Variants in DOCK8 observed in about 807,000 individuals in gnomAD.
The protein encoded by DOCK8 is dedicator of cytokinesis protein 8.
In DOCK8, 141 loss-of-function variants were observed where a neutral mutation model predicts 245.6. The observed-to-expected ratio is 0.57, with a 90% CI of 0.50 to 0.66. DOCK8 has a LOEUF of 0.66. Ranked by LOEUF, DOCK8 falls within the 30% of genes least tolerant of loss-of-function variation. The probability of loss-of-function intolerance (pLI) is 0.00; values close to 1 mark genes in which losing one functional copy is unlikely to be tolerated. For missense variants in DOCK8, 2,965 were observed against 2,603.4 expected, an observed-to-expected ratio of 1.14 and a Z score of -3.02; for synonymous variants, 1,168 against 970.2, an observed-to-expected ratio of 1.20 and a Z score of -3.79.
At chr9:376,675 C>T (rs2053531124) in intron 19 of DOCK8, among the ~76,000 whole-genome samples, 2 of 152,206 alleles carry the variant, frequency 1.3e-5, no homozygotes, top group South Asian at 2.1e-4. Context: ...CTGAGTTCTG[C>T]ATCTGCTGAG....
intron 14 of DOCK8, among the ~76,000 whole-genome samples, chr9:353,257 G>A (rs1465528147): frequency 7.4e-6 from 1 of 135,852 alleles, no homozygotes; most frequent in Non-Finnish European, 1.6e-5. Context: ...CCTAAAGCAA[G>A]GATATGTTTA....
chr9:306,602 G>T (rs559121825), intron 5 of DOCK8, among the ~76,000 whole-genome samples: 125 of 152,308 alleles, frequency 8.2e-4, no homozygotes, highest in African/African-American at 2.9e-3. Flanking sequence ...CCAGCCTGGG[G>T]CTGGGGTATA....
intron 1 of DOCK8, among the ~76,000 whole-genome samples, chr9:253,821 T>A (rs1469744356): frequency 6.6e-6 from 1 of 152,146 alleles, no homozygotes; most frequent in Non-Finnish European, 1.5e-5. Context: ...TGGATCAACT[T>A]TACCTTAGCT....
At chr9:349,422 A>G (rs182423481) in intron 14 of DOCK8, among the ~76,000 whole-genome samples, 2 of 152,360 alleles carry the variant, frequency 1.3e-5, no homozygotes, top group Admixed American at 1.3e-4. Flanking sequence ...ATGGCTTCAT[A>G]AGGATAAAAT....
At chr9:237,559 A>G (rs62531272) in intron 1 of DOCK8, among the ~76,000 whole-genome samples, 10,060 of 152,258 alleles carry the variant, frequency 0.066, 331 homozygotes, top group African/African-American at 0.081. Context: ...GGAGGCCAAG[A>G]TGGAAGGATC....
chr9:403,926 A>G (rs149550100), intron 26 of DOCK8, among the ~76,000 whole-genome samples: 1,191 of 81,192 alleles, frequency 0.015, 54 homozygotes, highest in African/African-American at 0.079. Flanking sequence ...ACATATATAT[A>G]TATGTGTATA....
chr9:323,989 C>T (rs1205862243), intron 7 of DOCK8, among the ~76,000 whole-genome samples: 2 of 152,208 alleles, frequency 1.3e-5, no homozygotes, highest in Admixed American at 6.5e-5. Flanking sequence ...TTTTAAGATA[C>T]ATTCACACAC....
At chr9:291,936 G>C (rs2049057666) in intron 4 of DOCK8, among the ~76,000 whole-genome samples, 1 of 151,540 alleles carries the variant, frequency 6.6e-6, no homozygotes, top group Non-Finnish European at 1.5e-5. Context: ...TGGATATGAT[G>C]ACATGCACCT....
At chr9:401,547 C>T (rs909720545) in intron 26 of DOCK8, among the ~76,000 whole-genome samples, 1 of 152,076 alleles carries the variant, frequency 6.6e-6, no homozygotes, top group Admixed American at 6.5e-5. Context: ...AGCTGTCCAT[C>T]GAGATTTTAT....
Position 393,284 on chromosome 9 carries a change from C to A in DOCK8, c.2970+2718C>A, listed in dbSNP as rs184020344. The stretch of plus-strand genomic sequence containing the variant: ...GCATTCTCTGCAGGTGTAATGATGT[C>A]TCTGTTCTTCACAGAATCCCAATAA... On this transcript the variant is annotated intron_variant, in intron 24 of 47. Coordinates refer to ENST00000432829, the MANE Select transcript of DOCK8 (RefSeq NM_203447.4). 1.6e-4 allele frequency among the ~76,000 whole-genome samples: 25 copies of A among 152,210 alleles called. No individual in the cohort carries two copies. The East Asian group carries it at 3.3e-3, about 20-fold the overall frequency.
rs959766355 is a variant in DOCK8 at position 378,115 on chromosome 9, G to A, written c.2440+904G>A. Among the ~76,000 whole-genome samples the A allele has an allele frequency of 2.8e-4, 42 of 152,202 alleles. 1 individual carries two copies. Among genetic ancestry groups the A allele is most frequent in the African/African-American group, 7.2e-4 (30 of 41,468 alleles). ...CAGACCTCAGAGGACTTATAATATG[G>A]CAAAGAGTCAGCAGCACAGGACAAG... is the stretch of plus-strand genomic sequence containing the variant. On this transcript the variant is annotated intron_variant, in intron 20 of 47. Coordinates refer to ENST00000432829, the MANE Select transcript of DOCK8 (RefSeq NM_203447.4).
chr9:403,411 A>G (rs564338330), intron 26 of DOCK8, among the ~76,000 whole-genome samples: 4 of 152,302 alleles, frequency 2.6e-5, no homozygotes, highest in African/African-American at 9.6e-5. Flanking sequence ...GCACATCGAA[A>G]GGTTATGGGA....
At chr9:369,125 A>G (rs1215448301) in intron 15 of DOCK8, 1 of 151,514 alleles carries the variant, frequency 6.6e-6, no homozygotes, top group Non-Finnish European at 1.5e-5. Flanking sequence ...TTCTAAAAAG[A>G]AAAAGAAAAA....
chr9:316,817 C>G (rs1478134698), intron 6 of DOCK8, among the ~76,000 whole-genome samples: 2 of 152,146 alleles, frequency 1.3e-5, no homozygotes, highest in Non-Finnish European at 2.9e-5. Flanking sequence ...GTCTCTTTGT[C>G]TTGAATGCTT....
chr9:439,104 G>C (rs2057001074), intron 39 of DOCK8, 141 bp from the exon 40 acceptor site: 4 of 1,046,894 alleles, frequency 3.8e-6, no homozygotes, highest in Non-Finnish European at 5.9e-6. Flanking sequence ...ATACTCTCGG[G>C]GTAGAATTAC....
rs1228273168 is a variant in DOCK8, at chr9:452,020, G to T, written c.5971G>T (p.Glu1991Ter). The T allele has an allele frequency of 5.8e-6, 9 of 1,547,296 alleles. No homozygotes were observed. Among genetic ancestry groups the T allele is most frequent in the Non-Finnish European group, 7.9e-6 (9 of 1,140,838 alleles). The change falls in exon 46 of 48, where the codon GAA becomes TAA. Residue 1991 changes from glutamate to a stop codon, truncating the protein, a stop_gained. Transcript: ENST00000432829. LOFTEE classifies it high-confidence loss of function. ...VGATVNQGPL[E>*]VAQVFLAEIP... The stretch of plus-strand genomic sequence containing the variant: ...TTTTTTTTCCCACCAGGGACCACTG[G>T]AAGTAGCCCAAGTGTTTTTGGCTGA...
chr9:287,917 T>G (rs1461225687), intron 3 of DOCK8, among the ~76,000 whole-genome samples: 1 of 152,170 alleles, frequency 6.6e-6, no homozygotes, highest in African/African-American at 2.4e-5. Context: ...CTTGTTCCTG[T>G]GGTCCCAGCT....
chr9:317,276 C>T (rs889976537), intron 7 of DOCK8, 148 bp downstream of exon 7: 6 of 709,226 alleles, frequency 8.5e-6, no homozygotes, highest in Admixed American at 2.1e-5. Context: ...AGAAAGGGCA[C>T]GTTTGAGTCC....
upstream of DOCK8, among the ~76,000 whole-genome samples, chr9:212,496 G>C (rs556260725): frequency 3.9e-5 from 6 of 152,240 alleles, no homozygotes; most frequent in Admixed American, 3.9e-4. Context: ...GAGGCAGTGA[G>C]AATAAGGAAG....
Sources: gnomAD v4.1 joint callset for allele counts (sites outside exome capture counted in the v4.1 genomes callset) on GRCh38, gnomAD v4.1.1 for gene constraint, MANE v1.5 for transcripts, NCBI Gene and HGNC (gene_info 2026-07-23, HGNC 2026-07-21) for gene names.